CCSER1: variants seen among roughly 807,000 people sequenced by gnomAD.
CCSER1 encodes the protein serine-rich coiled-coil domain-containing protein 1.
Under a neutral mutation model 82.0 loss-of-function variants are expected in CCSER1, and 41 were observed. That is an observed-to-expected ratio of 0.50 (90% CI 0.39 to 0.65). The LOEUF (loss-of-function observed/expected upper bound fraction) is 0.65. CCSER1 is among the 30% of genes least tolerant of loss of function. The pLI is 0.00. For missense variants in CCSER1, 1,119 were observed against 1,064.2 expected (o/e 1.05, Z -0.72); for synonymous variants, 414 against 383.9 (o/e 1.08, Z -0.92).
intron 10 of CCSER1, among the ~76,000 whole-genome samples, chr4:91,534,374 C>T (rs1304297361): frequency 1.3e-5 from 2 of 151,888 alleles, no homozygotes; most frequent in Admixed American, 1.3e-4. Context: ...ATTTAATGTT[C>T]TTGGAATTTT....
chr4:91,465,360 G>A (rs1180436934), intron 10 of CCSER1, among the ~76,000 whole-genome samples: 3 of 152,196 alleles, frequency 2.0e-5, no homozygotes, highest in African/African-American at 7.2e-5. Context: ...AAAGCAGTGT[G>A]TAGAGGGAAA....
At chr4:90,641,169 G>A (rs930693936) in intron 6 of CCSER1, among the ~76,000 whole-genome samples, 1 of 151,960 alleles carries the variant, frequency 6.6e-6, no homozygotes, top group Non-Finnish European at 1.5e-5. Context: ...TATGTTAATT[G>A]TATTCTTATG....
At chr4:90,653,511 C>A (rs934238174) in intron 6 of CCSER1, among the ~76,000 whole-genome samples, 3 of 151,822 alleles carry the variant, frequency 2.0e-5, no homozygotes, top group East Asian at 3.9e-4. Flanking sequence ...ATGATAGACA[C>A]CATGATAGAG....
chr4:91,157,892 T>A (rs1022271004), intron 10 of CCSER1, among the ~76,000 whole-genome samples: 5 of 152,068 alleles, frequency 3.3e-5, no homozygotes, highest in Non-Finnish European at 1.5e-5. Context: ...GGAGATCTCC[T>A]AAAGTTGTTA....
intron 7 of CCSER1, among the ~76,000 whole-genome samples, chr4:90,794,019 G>A (rs1270215369): frequency 6.6e-6 from 1 of 151,858 alleles, no homozygotes; most frequent in Non-Finnish European, 1.5e-5. Context: ...GGTTGTTTTT[G>A]TCTTGTAAGT....
chr4:91,346,247 C>T (rs1241428957), intron 10 of CCSER1, among the ~76,000 whole-genome samples: 1 of 152,022 alleles, frequency 6.6e-6, no homozygotes, highest in African/African-American at 2.4e-5. Context: ...GACCTCTTGA[C>T]CTTGTGACCC....
At chr4:91,060,222 T>C (rs1235499800) in intron 9 of CCSER1, among the ~76,000 whole-genome samples, 4 of 152,022 alleles carry the variant, frequency 2.6e-5, no homozygotes, top group African/African-American at 4.8e-5. Context: ...ACTGATAGCT[T>C]TTCATGTAAT....
At chr4:91,081,541 T>C (rs574388910) in intron 9 of CCSER1, among the ~76,000 whole-genome samples, 2 of 152,200 alleles carry the variant, frequency 1.3e-5, no homozygotes, top group Non-Finnish European at 2.9e-5. Flanking sequence ...CTATTCAACA[T>C]AGTGTTGGAA....
At chr4:91,173,509 G>T (rs1732981636) in intron 10 of CCSER1, among the ~76,000 whole-genome samples, 1 of 151,048 alleles carries the variant, frequency 6.6e-6, no homozygotes, top group Admixed American at 6.6e-5. Flanking sequence ...CAGGAGAATT[G>T]CTTGAACCCG....
chr4:90,595,289 ATT>A (rs1783195101), intron 5 of CCSER1, among the ~76,000 whole-genome samples: 1 of 152,034 alleles, frequency 6.6e-6, no homozygotes, highest in South Asian at 2.1e-4. Context: ...TCAAACAGTT[ATT>A]TTAACAGCTG....
At chr4:90,852,198 C>A (rs1364304343) in intron 8 of CCSER1, among the ~76,000 whole-genome samples, 1 of 152,106 alleles carries the variant, frequency 6.6e-6, no homozygotes, top group Non-Finnish European at 1.5e-5. Flanking sequence ...TACAGAAGAG[C>A]CCACTCACCC....
chr4:90,354,779 A>C (rs1744120594), intron 3 of CCSER1, among the ~76,000 whole-genome samples: 1 of 149,784 alleles, frequency 6.7e-6, no homozygotes, highest in African/African-American at 2.5e-5. Context: ...ATGTTCAAAT[A>C]GAATTTAGAT....
intron 6 of CCSER1, among the ~76,000 whole-genome samples, chr4:90,639,265 A>G (rs890920810): frequency 3.3e-5 from 5 of 151,736 alleles, no homozygotes; most frequent in African/African-American, 1.2e-4. Context: ...ATCAATATCA[A>G]TCAATATTGA....
chr4:90,974,866 G>T (rs941190273), intron 9 of CCSER1, among the ~76,000 whole-genome samples: 2 of 151,316 alleles, frequency 1.3e-5, no homozygotes, highest in South Asian at 4.1e-4. Context: ...CCACACTTCA[G>T]TGTATACCCA....
intron 10 of CCSER1, among the ~76,000 whole-genome samples, chr4:91,129,485 CATAAGTTAGATGGCATAAGATAGAG>C (rs1727815230): frequency 1.3e-5 from 2 of 151,754 alleles, no homozygotes; most frequent in Non-Finnish European, 2.9e-5. Flanking sequence ...TAGGATTTGG[CATAAGTTAGATGGCATAAGATAGAG>C]ACTGGGAGCA....
intron 10 of CCSER1, among the ~76,000 whole-genome samples, chr4:91,405,224 T>G (rs201940921): frequency 2.2e-5 from 1 of 46,346 alleles, no homozygotes; most frequent in Admixed American, 1.7e-4. Flanking sequence ...CAACCCCTGG[T>G]TTTTTTTTTT....
intron 10 of CCSER1, among the ~76,000 whole-genome samples, chr4:91,501,014 T>A (rs963618460): frequency 1.3e-5 from 2 of 152,034 alleles, no homozygotes; most frequent in South Asian, 4.1e-4. Context: ...TTTCTGATAA[T>A]GATATATTAA....
chr4:90,157,314 C>T (rs913538936), intron 1 of CCSER1, among the ~76,000 whole-genome samples: 1 of 152,058 alleles, frequency 6.6e-6, no homozygotes, highest in Non-Finnish European at 1.5e-5. Flanking sequence ...ACATTTTTTC[C>T]TTCATTTCAA....
intron 10 of CCSER1, among the ~76,000 whole-genome samples, chr4:91,378,556 G>A (rs1248718777): frequency 6.6e-6 from 1 of 152,152 alleles, no homozygotes; most frequent in African/African-American, 2.4e-5. Flanking sequence ...CTGTTTGTCT[G>A]TTATTGGTGT....
Sources: gnomAD v4.1 joint callset for allele counts (sites outside exome capture counted in the v4.1 genomes callset) on GRCh38, gnomAD v4.1.1 for gene constraint, MANE v1.5 for transcripts, NCBI Gene and HGNC (gene_info 2026-07-23, HGNC 2026-07-21) for gene names.